SH3RF3: variants seen among roughly 807,000 people sequenced by gnomAD.
SH3RF3 encodes the protein E3 ubiquitin-protein ligase SH3RF3.
In SH3RF3, 29 loss-of-function variants were observed where a neutral mutation model predicts 66.3. The ratio of observed to expected loss-of-function variants is 0.44; its 90% confidence interval spans 0.33 to 0.60. SH3RF3 has a LOEUF of 0.60. Among genes scored for constraint, SH3RF3 ranks in the 20% least tolerant of loss-of-function variants. The pLI, the probability that SH3RF3 is intolerant of heterozygous loss-of-function variation, is 0.04. For missense variants in SH3RF3, 1,194 were observed against 1,190.9 expected (o/e 1.00, Z -0.04); for synonymous variants, 583 against 532.0 (o/e 1.10, Z -1.32).
chr2:109,184,069 G>C (rs1213926395), intron 1 of SH3RF3, among the ~76,000 whole-genome samples: 1 of 152,244 alleles, frequency 6.6e-6, no homozygotes. Context: ...CGATCTCTCT[G>C]TGAACGTGGG....
chr2:109,305,301 C>T (rs1050685711), intron 1 of SH3RF3, among the ~76,000 whole-genome samples: 2 of 152,096 alleles, frequency 1.3e-5, no homozygotes, highest in Admixed American at 1.3e-4. Flanking sequence ...TGAGGCCTGT[C>T]ATGAAGTTCC....
chr2:109,195,164 C>G (rs899348678), intron 1 of SH3RF3, among the ~76,000 whole-genome samples: 1 of 152,054 alleles, frequency 6.6e-6, no homozygotes, highest in Non-Finnish European at 1.5e-5. Context: ...CAATTTGGTT[C>G]TCTCTGAAGT....
intron 1 of SH3RF3, among the ~76,000 whole-genome samples, chr2:109,332,907 C>T (rs564180313): frequency 6.6e-5 from 10 of 152,358 alleles, no homozygotes; most frequent in Admixed American, 3.9e-4. Context: ...CAGTGGATTC[C>T]TTTGAGCTGT....
chr2:109,442,247 C>T (rs947986274), intron 7 of SH3RF3, among the ~76,000 whole-genome samples: 1 of 149,694 alleles, frequency 6.7e-6, no homozygotes, highest in Non-Finnish European at 1.5e-5. Context: ...GGAGGCAGAG[C>T]TTACAGTGAG....
At chr2:109,297,426 T>G (rs1681341416) in intron 1 of SH3RF3, among the ~76,000 whole-genome samples, 1 of 152,096 alleles carries the variant, frequency 6.6e-6, no homozygotes, top group Admixed American at 6.5e-5. Flanking sequence ...AAGAGGCCTG[T>G]GTACCCACCC....
chr2:109,194,709 C>T (rs1450730247), intron 1 of SH3RF3, among the ~76,000 whole-genome samples: 3 of 152,204 alleles, frequency 2.0e-5, no homozygotes, highest in African/African-American at 7.2e-5. Context: ...GCTTCATTCC[C>T]TCCACCCTAA....
chr2:109,337,376 C>T (rs1381925257), intron 1 of SH3RF3, among the ~76,000 whole-genome samples: 1 of 152,248 alleles, frequency 6.6e-6, no homozygotes, highest in Non-Finnish European at 1.5e-5. Context: ...CCTGTAACTT[C>T]TCTGCATCCA....
intron 1 of SH3RF3, among the ~76,000 whole-genome samples, chr2:109,281,848 G>T (rs1238542006): frequency 6.6e-6 from 1 of 152,190 alleles, no homozygotes; most frequent in Non-Finnish European, 1.5e-5. Flanking sequence ...GGAGCACACA[G>T]ACCCCCAGCG....
chr2:109,359,738 A>C (rs1320066043), intron 2 of SH3RF3, among the ~76,000 whole-genome samples: 1 of 152,148 alleles, frequency 6.6e-6, no homozygotes, highest in East Asian at 1.9e-4. Context: ...TTGTAGTCAA[A>C]ATGAAGGCAC....
In SH3RF3 at chr2:109,373,704, C is replaced by T. The variant is rs945753633; in HGVS notation, c.945+2023C>T. On this transcript the variant is annotated intron_variant, in intron 3 of 9. Coordinates refer to ENST00000309415, the MANE Select transcript of SH3RF3 (RefSeq NM_001099289.3). ...GCAGAAAGGTTTCGTGTCCTGATCT[C>T]GGGAGAGCTGCACAGATTATGCTGC... Among the ~76,000 whole-genome samples the T allele has an allele frequency of 3.3e-5, 5 of 152,022 alleles. No homozygotes were observed. In the South Asian group the frequency reaches 6.2e-4, roughly 19 times the overall value.
intron 1 of SH3RF3, among the ~76,000 whole-genome samples, chr2:109,144,653 A>G (rs910889130): frequency 6.6e-6 from 1 of 152,254 alleles, no homozygotes; most frequent in Admixed American, 6.5e-5. Context: ...TATTTTGGAC[A>G]TGACAGGTGT....
chr2:109,342,445 C>G (rs554786987), intron 1 of SH3RF3, among the ~76,000 whole-genome samples: 18 of 152,300 alleles, frequency 1.2e-4, no homozygotes, highest in African/African-American at 3.8e-4. Flanking sequence ...AGAATCTGTC[C>G]TGATGGGCTA....
At chr2:109,254,121 C>T (rs1265915800) in intron 1 of SH3RF3, among the ~76,000 whole-genome samples, 1 of 152,124 alleles carries the variant, frequency 6.6e-6, no homozygotes, top group Admixed American at 6.5e-5. Flanking sequence ...AGCATGACTG[C>T]CTCACCAACC....
At chr2:109,160,772 G>C (rs1677469792) in intron 1 of SH3RF3, among the ~76,000 whole-genome samples, 1 of 152,216 alleles carries the variant, frequency 6.6e-6, no homozygotes, top group East Asian at 1.9e-4. Flanking sequence ...GCTGAGAAAT[G>C]TGAACATCCC....
intron 1 of SH3RF3, among the ~76,000 whole-genome samples, chr2:109,321,271 C>T (rs925274503): frequency 6.6e-6 from 1 of 152,192 alleles, no homozygotes; most frequent in African/African-American, 2.4e-5. Context: ...CATTAAAACG[C>T]CATTCCTTTA....
chr2:109,348,776 C>G (rs1682772772), intron 2 of SH3RF3, among the ~76,000 whole-genome samples: 1 of 152,122 alleles, frequency 6.6e-6, no homozygotes, highest in East Asian at 1.9e-4. Flanking sequence ...TCTTCATCTC[C>G]TGTCTCTTGT....
chr2:109,168,438 C>T (rs570860571), intron 1 of SH3RF3, among the ~76,000 whole-genome samples: 26 of 152,242 alleles, frequency 1.7e-4, no homozygotes, highest in Non-Finnish European at 3.1e-4. Context: ...CCTGTGCTTG[C>T]GAGATGGGCT....
intron 1 of SH3RF3, among the ~76,000 whole-genome samples, chr2:109,305,281 G>A (rs562702474): frequency 1.3e-5 from 2 of 152,274 alleles, no homozygotes; most frequent in East Asian, 1.9e-4. Flanking sequence ...CAGACTGGAG[G>A]CGTTTTGACT....
chr2:109,305,778 A>T (rs1044180589), intron 1 of SH3RF3, among the ~76,000 whole-genome samples: 2 of 152,240 alleles, frequency 1.3e-5, no homozygotes, highest in African/African-American at 4.8e-5. Flanking sequence ...GACAGATGCC[A>T]CAAAACTTGC....
Sources: gnomAD v4.1 joint callset for allele counts (sites outside exome capture counted in the v4.1 genomes callset) on GRCh38, gnomAD v4.1.1 for gene constraint, MANE v1.5 for transcripts, NCBI Gene and HGNC (gene_info 2026-07-23, HGNC 2026-07-21) for gene names.